Variants in POMT2 observed in about 807,000 individuals in gnomAD.
POMT2 encodes the protein protein O-mannosyl-transferase 2.
POMT2 carries 75 observed loss-of-function variants against 100.0 expected under a neutral mutation model. The ratio of observed to expected loss-of-function variants is 0.75; its 90% CI spans 0.62 to 0.91. POMT2 has a LOEUF of 0.91. Ranked by LOEUF, POMT2 falls within the 40% of genes least tolerant of loss-of-function variation. POMT2 has a pLI of 0.00. For missense variants in POMT2, 940 were observed against 955.1 expected, an observed-to-expected ratio of 0.98 and a Z score of 0.21; for synonymous variants, 378 against 374.1, an observed-to-expected ratio of 1.01 and a Z score of -0.12.
chr14:77,294,085 T>TA (rs1403544957), intron 9 of POMT2, among the ~76,000 whole-genome samples: 1 of 152,290 alleles, frequency 6.6e-6, no homozygotes, highest in African/African-American at 2.4e-5. Flanking sequence ...TCAGAATTTT[T>TA]AAAAATCTCT....
chr14:77,299,265 G>C (rs1035431268), intron 7 of POMT2, among the ~76,000 whole-genome samples, 190 bp downstream of exon 7: 3 of 152,144 alleles, frequency 2.0e-5, no homozygotes, highest in African/African-American at 7.2e-5. Context: ...TTCAGGTTAG[G>C]GTGCTGGCCT....
chr14:77,291,441 G>C, intron 9 of POMT2, 61 bp from the exon 10 acceptor site: 7 of 1,576,096 alleles, frequency 4.4e-6, no homozygotes, highest in Non-Finnish European at 6.0e-6. Context: ...ATCACTATCA[G>C]CACAGCTGGC....
chr14:77,299,748 G>C (rs1161810625), intron 6 of POMT2, 187 bp from the exon 7 acceptor site: 3 of 579,358 alleles, frequency 5.2e-6, no homozygotes, highest in Non-Finnish European at 9.6e-6. Flanking sequence ...CACTACACAA[G>C]ATAAACATGG....
intron 1 of POMT2, among the ~76,000 whole-genome samples, chr14:77,316,494 A>T (rs1222493305): frequency 1.4e-5 from 2 of 143,728 alleles, no homozygotes; most frequent in Non-Finnish European, 3.0e-5. Flanking sequence ...GGAGCCCAGG[A>T]GTTTGAGGAT....
At chr14:77,314,213 G>T (rs1040184338) in intron 1 of POMT2, among the ~76,000 whole-genome samples, 3 of 152,134 alleles carry the variant, frequency 2.0e-5, no homozygotes, top group African/African-American at 7.2e-5. Context: ...GAGACAGAGG[G>T]CTGTCTTGTT....
At position 77,279,274 on chromosome 14, in the gene POMT2, TCAGA is replaced by T. The variant is rs1333996605; in HGVS notation, c.1892-409_1892-406del. The T allele has an allele frequency of 8.3e-5, 31 of 372,388 alleles. 1 individual carries two copies. The highest frequency in any genetic ancestry group is 6.0e-4 in the South Asian group (28 of 46,966). 23.1% of individuals were successfully genotyped at this position (372,388 alleles called of 1,614,324 possible). On this transcript the variant is annotated intron_variant, in intron 18 of 20. Coordinates refer to ENST00000261534, the MANE Select transcript of POMT2 (RefSeq NM_013382.7). Reference sequence around the variant, plus strand: ...AGGAGGTGTCTGGGACTATGACTGTTCAGACAGAGAGCTGCAGAGGCAAAAGGGC... The same window carrying T: ...AGGAGGTGTCTGGGACTATGACTGTTCAGAGAGCTGCAGAGGCAAAAGGGC...
chr14:77,291,654 C>G (rs1023958047), intron 9 of POMT2, among the ~76,000 whole-genome samples: 16 of 152,208 alleles, frequency 1.1e-4, no homozygotes, highest in East Asian at 5.8e-4. Context: ...CTAAAAGTTC[C>G]ATCCAGCCTT....
rs751596850 is a variant in POMT2, at chr14:77,280,377, A to G, written c.1725+15T>C. 4 of 1,607,064 alleles carry G rather than the reference A, an allele frequency of 2.5e-6. No individual in the cohort carries two copies. In the South Asian group the frequency reaches 4.4e-5, roughly 18 times the overall value. On this transcript the variant is annotated intron_variant, in intron 16 of 20. Transcript: ENST00000261534. ...GGCTCCATTTCCTGGGAGGAGCCCC[A>G]GCCTTGGATCCTACCTGATAGTTGA...
At chr14:77,307,254 T>G (rs1891257222) in intron 2 of POMT2, among the ~76,000 whole-genome samples, 1 of 152,190 alleles carries the variant, frequency 6.6e-6, no homozygotes, top group Admixed American at 6.5e-5. Flanking sequence ...ACCCCCGAGC[T>G]CTGGCAGGCT....
At position 77,288,761 on chromosome 14, in the gene POMT2, C is replaced by T. The variant is rs1475161693; in HGVS notation, c.1253+1G>A. The T allele has an allele frequency of 1.9e-6, 3 of 1,613,398 alleles. No homozygotes were observed. Among genetic ancestry groups the T allele is most frequent in the Non-Finnish European group, 2.5e-6 (3 of 1,179,528 alleles). On this transcript the variant is annotated splice_donor_variant, in intron 11 of 20. Transcript: ENST00000261534. LOFTEE classifies it high-confidence loss of function. ...TTTATCCAAACTGCAAATTGACTTA[C>T]TCTTTGTGTTCTAGTCGAATAATGT...
intron 12 of POMT2, 116 bp downstream of exon 12, chr14:77,286,628 C>T: frequency 2.1e-6 from 3 of 1,451,386 alleles, no homozygotes; most frequent in South Asian, 2.4e-5. Flanking sequence ...AGTCCCTGTG[C>T]AGCCTCTTAT....
At chr14:77,315,011 A>C (rs1229274690) in intron 1 of POMT2, among the ~76,000 whole-genome samples, 1 of 152,154 alleles carries the variant, frequency 6.6e-6, no homozygotes, top group East Asian at 1.9e-4. Flanking sequence ...GGTTGGGCTG[A>C]GGTTTCCATG....
Position 77,299,543 on chromosome 14 carries a change from G to C in POMT2, c.835C>G (p.Leu279Val). 6.2e-7 allele frequency: 1 copy of C among 1,614,150 alleles called. No individual in the cohort carries two copies. ...ATGAGGCACAGGACACGAGCAGTCA[G>C]GTGTTTTCCCACAGTCACCTGCAAA... ...SLSLVTVGKH[L>V]TARVLCLIVL... Residue 279 changes from leucine to valine, a missense_variant, in exon 7 of 21, where the codon CTG (leucine) becomes GTG (valine). Coordinates refer to ENST00000261534, the MANE Select transcript of POMT2 (RefSeq NM_013382.7).
At chr14:77,284,876 G>T in intron 14 of POMT2, 74 bp downstream of exon 14, 1 of 1,332,900 alleles carries the variant, frequency 7.5e-7, no homozygotes, top group Non-Finnish European at 1.1e-6. Flanking sequence ...GTTTACAAAC[G>T]CTTACTTTTC....
At position 77,301,235 on chromosome 14, in the gene POMT2, G is replaced by C. The variant is rs771995900; in HGVS notation, c.671C>G (p.Pro224Arg). 7 of 1,614,048 alleles carry C rather than the reference G, an allele frequency of 4.3e-6. No individual in the cohort carries two copies. Among genetic ancestry groups the C allele is most frequent in the South Asian group, 1.1e-5 (1 of 91,072 alleles). Residue 224 changes from proline (P) to arginine (R), a missense_variant, in exon 6 of 21, where the codon CCC becomes CGC. By Grantham distance (103) the Pro-to-Arg change is moderately radical. Coordinates refer to ENST00000261534, the MANE Select transcript of POMT2 (RefSeq NM_013382.7). ...NSCADRPFSA[P>R]WWFWLSLTGV... is the part of the protein sequence containing the mutation. ...AGTCAGGCTGAGCCAGAACCACCAG[G>C]GGGCAGAGAAGGGCCTGAAAATCAA...
rs1889927803 is a variant in POMT2 at position 77,275,930 on chromosome 14, C to CTA, written c.*1445_*1446insTA. 1 of 152,638 alleles carries CTA rather than the reference C, an allele frequency of 6.6e-6. No homozygotes were observed. Among genetic ancestry groups the CTA allele is most frequent in the Non-Finnish European group, 1.5e-5 (1 of 68,070 alleles). The allele number at this position is 152,638 out of a possible 1,614,324, so 9.5% of individuals were successfully genotyped here. A position where few individuals can be genotyped will look rare whatever the true frequency, so the allele number is the denominator to read the frequency against. ...CCACCCAGTAGGTAGCACAGCCTGT[C>CTA]CCTGGGACCAATATCCAGTCTCCGT... is the stretch of plus-strand genomic sequence containing the variant. On this transcript the variant is annotated 3_prime_UTR_variant, in exon 21 of 21. Transcript: ENST00000261534.
intron 5 of POMT2, 38 bp from the exon 6 acceptor site, chr14:77,301,287 G>C: frequency 6.2e-7 from 1 of 1,612,750 alleles, no homozygotes; most frequent in Non-Finnish European, 8.5e-7. Flanking sequence ...TTGGCAGCTG[G>C]AACCAAAGCC....
At chr14:77,311,054 A>G (rs768670600) in intron 2 of POMT2, among the ~76,000 whole-genome samples, 2 of 152,224 alleles carry the variant, frequency 1.3e-5, no homozygotes, top group South Asian at 4.1e-4. Context: ...AATCACTTAA[A>G]CTTGGGAAGC....
chr14:77,320,459 G>C lies in POMT2; in HGVS notation c.223C>G (p.Arg75Gly). 3.2e-6 allele frequency: 5 copies of C among 1,545,714 alleles called. No individual in the cohort carries two copies. The highest frequency in any genetic ancestry group is 4.4e-6 in the Non-Finnish European group (5 of 1,146,964). Residue 75 changes from arginine (R) to glycine (G), a missense_variant, in exon 1 of 21, where the codon CGC (arginine) becomes GGC (glycine). Physicochemically the swap from Arg to Gly is moderately radical, Grantham distance 125. Transcript: ENST00000261534. ...TLLSFATRFH[R>G]LDEPPHICWD... Reference sequence around the variant, plus strand: ...CAGATGTGCGGCGGCTCGTCCAAGCGGTGGAAGCGGGTGGCGAAGGACAGC... The same window carrying C: ...CAGATGTGCGGCGGCTCGTCCAAGCCGTGGAAGCGGGTGGCGAAGGACAGC...
Sources: gnomAD v4.1 joint callset for allele counts (sites outside exome capture counted in the v4.1 genomes callset) on GRCh38, gnomAD v4.1.1 for gene constraint, MANE v1.5 for transcripts, NCBI Gene and HGNC (gene_info 2026-07-23, HGNC 2026-07-21) for gene names.